The following CACNA2D3 variants were observed in gnomAD, a reference collection of about 807,000 sequenced individuals.
CACNA2D3 encodes voltage-dependent calcium channel subunit alpha-2/delta-3.
Under a neutral mutation model 160.6 loss-of-function variants are expected in CACNA2D3, and 60 were observed. The ratio of observed to expected loss-of-function variants is 0.37; its 90% CI spans 0.30 to 0.46. The LOEUF (loss-of-function observed/expected upper bound fraction) is 0.46, where lower values mean the gene tolerates loss of function less well. CACNA2D3 is among the 20% of genes least tolerant of loss of function. The probability of loss-of-function intolerance (pLI) is 1.00; values close to 1 mark genes in which losing one functional copy is unlikely to be tolerated. For missense variants in CACNA2D3, 1,205 were observed against 1,365.0 expected (o/e 0.88, Z 1.85); for synonymous variants, 558 against 492.9 (o/e 1.13, Z -1.75).
At chr3:54,599,383 G>A (rs1432755773) in intron 9 of CACNA2D3, among the ~76,000 whole-genome samples, 7 of 152,078 alleles carry the variant, frequency 4.6e-5, no homozygotes, top group Admixed American at 3.9e-4. Flanking sequence ...GTCAAATGTC[G>A]GCAATTTCAT....
At chr3:54,739,571 C>T (rs1701603201) in intron 11 of CACNA2D3, among the ~76,000 whole-genome samples, 1 of 151,906 alleles carries the variant, frequency 6.6e-6, no homozygotes, top group Admixed American at 6.6e-5. Context: ...TTCATCTTAC[C>T]AGTGCACTAT....
At chr3:54,970,978 C>G (rs1305846568) in intron 29 of CACNA2D3, among the ~76,000 whole-genome samples, 1 of 151,832 alleles carries the variant, frequency 6.6e-6, no homozygotes, top group Non-Finnish European at 1.5e-5. Flanking sequence ...AAGTAGATTT[C>G]AAAAAGGTGG....
intron 4 of CACNA2D3, among the ~76,000 whole-genome samples, chr3:54,457,473 A>G (rs1700419614): frequency 6.6e-6 from 1 of 152,106 alleles, no homozygotes; most frequent in Non-Finnish European, 1.5e-5. Flanking sequence ...TTTGCGATCT[A>G]ACATATGGTC....
At chr3:54,758,731 C>T (rs533781047) in intron 12 of CACNA2D3, among the ~76,000 whole-genome samples, 24 of 152,198 alleles carry the variant, frequency 1.6e-4, no homozygotes, top group Non-Finnish European at 3.4e-4. Flanking sequence ...ATTCTTACCT[C>T]GGCACCCTCT....
At chr3:54,813,584 G>T (rs1042991220) in intron 13 of CACNA2D3, among the ~76,000 whole-genome samples, 1 of 152,052 alleles carries the variant, frequency 6.6e-6, no homozygotes, top group Non-Finnish European at 1.5e-5. Context: ...CAGTTACCCC[G>T]ATTATCTTTC....
intron 4 of CACNA2D3, among the ~76,000 whole-genome samples, chr3:54,446,939 G>A (rs1292450707): frequency 6.6e-6 from 1 of 152,148 alleles, no homozygotes; most frequent in African/African-American, 2.4e-5. Flanking sequence ...CTTCCAAATT[G>A]TGCATCCTTC....
intron 2 of CACNA2D3, among the ~76,000 whole-genome samples, chr3:54,178,449 A>G (rs762337632): frequency 7.2e-5 from 11 of 152,192 alleles, no homozygotes; most frequent in Non-Finnish European, 1.5e-4. Flanking sequence ...TTGCCTACCC[A>G]GAGAGTCAGC....
chr3:54,150,201 C>G (rs1700121904), intron 2 of CACNA2D3, among the ~76,000 whole-genome samples: 1 of 151,906 alleles, frequency 6.6e-6, no homozygotes, highest in Non-Finnish European at 1.5e-5. Flanking sequence ...TGAAAAACCC[C>G]TAGAACTCCA....
At chr3:54,587,271 A>C (rs976737034) in intron 9 of CACNA2D3, among the ~76,000 whole-genome samples, 1 of 152,120 alleles carries the variant, frequency 6.6e-6, no homozygotes, top group Non-Finnish European at 1.5e-5. Context: ...AAAAATGAAG[A>C]GAGGGGCAGG....
At chr3:54,160,086 G>A (rs1165590458) in intron 2 of CACNA2D3, among the ~76,000 whole-genome samples, 3 of 152,194 alleles carry the variant, frequency 2.0e-5, no homozygotes, top group Non-Finnish European at 4.4e-5. Context: ...TTTCTATGGA[G>A]AGAATAGGAA....
At chr3:54,174,642 C>G (rs775426021) in intron 2 of CACNA2D3, among the ~76,000 whole-genome samples, 2 of 152,192 alleles carry the variant, frequency 1.3e-5, no homozygotes, top group East Asian at 3.9e-4. Context: ...CTCCTGCCTC[C>G]GTCTCCTGAG....
chr3:54,463,052 T>C (rs1484324114), intron 4 of CACNA2D3, among the ~76,000 whole-genome samples: 1 of 152,024 alleles, frequency 6.6e-6, no homozygotes, highest in Non-Finnish European at 1.5e-5. Flanking sequence ...TTTGGCTGGA[T>C]ATGAAATTCT....
intron 4 of CACNA2D3, among the ~76,000 whole-genome samples, chr3:54,400,703 T>C (rs565284500): frequency 5.3e-5 from 8 of 152,284 alleles, no homozygotes; most frequent in African/African-American, 1.9e-4. Flanking sequence ...AGAGTCACCA[T>C]GCCCTACCAA....
At chr3:54,645,804 C>T (rs1965072) in intron 11 of CACNA2D3, among the ~76,000 whole-genome samples, 104,380 of 152,002 alleles carry the variant, frequency 0.69, 38,681 homozygotes, top group Non-Finnish European at 0.82. Flanking sequence ...AATATTGTTT[C>T]TGGACCTGTC....
intron 13 of CACNA2D3, among the ~76,000 whole-genome samples, chr3:54,808,267 G>T (rs2106691373): frequency 6.6e-6 from 1 of 152,204 alleles, no homozygotes; most frequent in Middle Eastern, 3.4e-3. Flanking sequence ...TGCCCCAATA[G>T]CTTATACTGA....
At chr3:54,630,115 C>G (rs547757246) in intron 10 of CACNA2D3, among the ~76,000 whole-genome samples, 79 of 152,248 alleles carry the variant, frequency 5.2e-4, no homozygotes, top group African/African-American at 1.7e-3. Context: ...GTCACACACC[C>G]GTGAGGTGGT....
intron 14 of CACNA2D3, among the ~76,000 whole-genome samples, chr3:54,818,169 G>A (rs1703501231): frequency 6.6e-6 from 1 of 152,094 alleles, no homozygotes; most frequent in Non-Finnish European, 1.5e-5. Context: ...TGAATTGGAG[G>A]TGCCATCAGC....
intron 11 of CACNA2D3, among the ~76,000 whole-genome samples, chr3:54,666,959 T>A (rs1291512784): frequency 1.3e-5 from 2 of 152,206 alleles, no homozygotes; most frequent in Non-Finnish European, 2.9e-5. Flanking sequence ...AGTGGAACAT[T>A]TGAGGGCAGT....
intron 10 of CACNA2D3, among the ~76,000 whole-genome samples, chr3:54,637,335 T>G (rs1400715989): frequency 2.0e-5 from 3 of 151,464 alleles, no homozygotes; most frequent in Admixed American, 2.0e-4. Context: ...ACTTGTGGGT[T>G]AAGGTGGGGG....
Sources: allele counts gnomAD v4.1 joint callset (sites outside exome capture counted in the v4.1 genomes callset), GRCh38; gene constraint gnomAD v4.1.1; transcripts MANE v1.5; gene names NCBI Gene and HGNC (gene_info 2026-07-23, HGNC 2026-07-21).